The following MYPN variants were observed in gnomAD, a reference collection of about 807,000 sequenced individuals.
MYPN encodes myopalladin.
A neutral mutation model predicts 129.4 loss-of-function variants in MYPN; 63 were observed. The observed-to-expected ratio is 0.49, with a 90% confidence interval of 0.40 to 0.60. MYPN has a LOEUF of 0.60. MYPN is among the 20% of genes least tolerant of loss of function. The probability of loss-of-function intolerance (pLI) is 0.00; values close to 1 mark genes in which losing one functional copy is unlikely to be tolerated. For synonymous variants in MYPN, 629 were observed against 600.9 expected (o/e 1.05, Z -0.68); for missense variants, 1,596 against 1,635.4 (o/e 0.98, Z 0.42).
intron 2 of MYPN, among the ~76,000 whole-genome samples, chr10:68,134,214 G>A (rs1163374374): frequency 1.3e-5 from 2 of 151,986 alleles, no homozygotes; most frequent in Non-Finnish European, 2.9e-5. Context: ...TACTATCAGG[G>A]ACTATTCCAA....
intron 2 of MYPN, among the ~76,000 whole-genome samples, chr10:68,127,141 T>A: frequency 1.3e-5 from 2 of 151,482 alleles, no homozygotes; most frequent in Non-Finnish European, 2.9e-5. Flanking sequence ...GTAACTGGGA[T>A]TACAGGTGCC....
intron 2 of MYPN, among the ~76,000 whole-genome samples, chr10:68,134,698 G>A (rs1452727577): frequency 6.6e-6 from 1 of 152,086 alleles, no homozygotes; most frequent in Non-Finnish European, 1.5e-5. Context: ...TGAAGGCTGA[G>A]GCAGGAGAAT....
At chr10:68,120,922 C>T (rs1315370981) in intron 1 of MYPN, among the ~76,000 whole-genome samples, 2 of 152,074 alleles carry the variant, frequency 1.3e-5, no homozygotes, top group Non-Finnish European at 2.9e-5. Context: ...TTTTCAATTT[C>T]AGGGAAATTT....
chr10:68,101,339 A>G (rs2041980905), upstream of MYPN, among the ~76,000 whole-genome samples: 1 of 152,240 alleles, frequency 6.6e-6, no homozygotes, highest in Non-Finnish European at 1.5e-5. Context: ...GGTTGGAGAT[A>G]AGTAATTGTG....
intron 10 of MYPN, among the ~76,000 whole-genome samples, chr10:68,172,989 C>T (rs745872331): frequency 2.6e-5 from 4 of 152,116 alleles, no homozygotes; most frequent in Non-Finnish European, 5.9e-5. Flanking sequence ...ACAAGAATCA[C>T]TTGAACCCAG....
intron 2 of MYPN, among the ~76,000 whole-genome samples, chr10:68,127,737 T>C (rs1049830453): frequency 6.6e-6 from 1 of 152,148 alleles, no homozygotes; most frequent in Admixed American, 6.5e-5. Flanking sequence ...ACTGAAACTT[T>C]TGAGGCATCT....
intron 16 of MYPN, among the ~76,000 whole-genome samples, chr10:68,198,864 G>A (rs919976172): frequency 1.6e-4 from 25 of 152,026 alleles, no homozygotes. Context: ...CCTGTTGGGG[G>A]GATGGGAGGG....
At chr10:68,118,424 A>G (rs1405808279) in intron 1 of MYPN, among the ~76,000 whole-genome samples, 3 of 152,216 alleles carry the variant, frequency 2.0e-5, no homozygotes, top group Admixed American at 2.0e-4. Context: ...TTGTTACGAG[A>G]TGAAGCAGAA....
intron 10 of MYPN, among the ~76,000 whole-genome samples, chr10:68,169,523 G>T (rs1266543039): frequency 1.3e-5 from 2 of 152,152 alleles, no homozygotes; most frequent in Admixed American, 6.5e-5. Flanking sequence ...ATACTTGAGG[G>T]TTTATTTTCT....
At chr10:68,189,161 A>C (rs1224932996) in intron 13 of MYPN, 35 bp downstream of exon 13, 1 of 1,485,864 alleles carries the variant, frequency 6.7e-7, no homozygotes, top group East Asian at 2.3e-5. Flanking sequence ...GCCACCTCAC[A>C]GCATGAAGCT....
intron 13 of MYPN, among the ~76,000 whole-genome samples, chr10:68,190,459 T>TC: frequency 6.6e-6 from 1 of 152,326 alleles, no homozygotes; most frequent in Non-Finnish European, 1.5e-5. Context: ...CCCAAAGTAC[T>TC]GGATTACAGG....
In MYPN at chr10:68,141,291, C is replaced by T. The variant is rs571696308; in HGVS notation, c.903-1649C>T. Among the ~76,000 whole-genome samples the T allele has an allele frequency of 3.9e-5, 6 of 152,122 alleles. No homozygotes were observed. The East Asian group carries it at 1.2e-3, about 29-fold the overall frequency. On this transcript the variant is annotated intron_variant, in intron 2 of 19. Coordinates refer to ENST00000358913, the MANE Select transcript of MYPN (RefSeq NM_032578.4). Reference sequence around the variant, plus strand: ...GGCTGAGGCAGGAGAATTGCTTGAACCCGGGGGGCAGAGGTTGCAGTGAGT... The same window carrying T: ...GGCTGAGGCAGGAGAATTGCTTGAATCCGGGGGGCAGAGGTTGCAGTGAGT...
chr10:68,180,051 C>T (rs2043290469), intron 12 of MYPN, among the ~76,000 whole-genome samples: 1 of 152,188 alleles, frequency 6.6e-6, no homozygotes, highest in Non-Finnish European at 1.5e-5. Flanking sequence ...GTTGTATCCC[C>T]ATTGTCTATC....
At chr10:68,152,830 G>C (rs1228427177) in intron 6 of MYPN, among the ~76,000 whole-genome samples, 2 of 151,810 alleles carry the variant, frequency 1.3e-5, no homozygotes, top group East Asian at 3.9e-4. Context: ...TAGACGTGAG[G>C]TTTCACCATG....
At chr10:68,173,087 C>G (rs1009894770) in intron 10 of MYPN, among the ~76,000 whole-genome samples, 1 of 152,020 alleles carries the variant, frequency 6.6e-6, no homozygotes, top group Non-Finnish European at 1.5e-5. Flanking sequence ...AAAAGAAAAA[C>G]AAAAACAAAA....
chr10:68,165,307 C>A (rs538413128), intron 8 of MYPN, among the ~76,000 whole-genome samples: 4 of 152,304 alleles, frequency 2.6e-5, no homozygotes, highest in Admixed American at 2.0e-4. Flanking sequence ...CAAAAATTAG[C>A]CGGGCTTGGT....
chr10:68,103,261 C>T (rs1261776751), upstream of MYPN, among the ~76,000 whole-genome samples: 2 of 152,190 alleles, frequency 1.3e-5, no homozygotes, highest in African/African-American at 4.8e-5. Context: ...CCAAGCTCTT[C>T]CTCTGTACTC....
Position 68,121,538 on chromosome 10 carries a change from C to T in MYPN, c.100C>T (p.Arg34Ter), listed in dbSNP as rs746431976. Residue 34 changes from arginine to a stop codon, truncating the protein, a stop_gained, in exon 2 of 20, where the codon CGA (arginine) becomes TGA (stop). Coordinates refer to ENST00000358913, the MANE Select transcript of MYPN (RefSeq NM_032578.4). LOFTEE classifies it high-confidence loss of function. ...TRHRGNNERSRAEPSSNPCHF... is the reference protein window; with the variant it reads ...TRHRGNNERS ...ACATCGGGGAAACAATGAGAGGAGT[C>T]GAGCGGAGCCCTCCTCCAACCCTTG... 1 of 1,614,134 alleles carries T rather than the reference C, an allele frequency of 6.2e-7. No homozygotes were observed. The highest frequency in any genetic ancestry group is 8.5e-7 in the Non-Finnish European group (1 of 1,180,026).
At chr10:68,092,590 G>A (rs955876611) in intron 1 of MYPN, among the ~76,000 whole-genome samples, 1 of 151,774 alleles carries the variant, frequency 6.6e-6, no homozygotes, top group African/African-American at 2.4e-5. Context: ...AATGCTAGTT[G>A]TTCTTAAGGA....
Sources: gnomAD v4.1 joint callset for allele counts (sites outside exome capture counted in the v4.1 genomes callset) on GRCh38, gnomAD v4.1.1 for gene constraint, MANE v1.5 for transcripts, NCBI Gene and HGNC (gene_info 2026-07-23, HGNC 2026-07-21) for gene names.